The following CPPED1 variants were observed in gnomAD, a reference collection of about 807,000 sequenced individuals.
CPPED1 encodes the protein serine/threonine-protein phosphatase CPPED1.
Under a neutral mutation model 28.0 loss-of-function variants are expected in CPPED1, and 28 were observed. The observed-to-expected ratio is 1.00, with a 90% CI of 0.74 to 1.37. CPPED1 has a LOEUF of 1.37. CPPED1 is among the 40% of genes most tolerant of loss of function. CPPED1 has a pLI of 0.00. For synonymous variants in CPPED1, 198 were observed against 180.2 expected (o/e 1.10, Z -0.79); for missense variants, 504 against 416.5 (o/e 1.21, Z -1.83).
chr16:12,778,164 C>A (rs2080508871), intron 2 of CPPED1, among the ~76,000 whole-genome samples: 1 of 151,894 alleles, frequency 6.6e-6, no homozygotes, highest in Non-Finnish European at 1.5e-5. Context: ...CCCACCTCGG[C>A]CTCCCAAAGT....
chr16:12,665,289 C>T (rs192870853), intron 3 of CPPED1, among the ~76,000 whole-genome samples, 174 bp from the exon 4 acceptor site: 1 of 151,616 alleles, frequency 6.6e-6, no homozygotes, highest in Non-Finnish European at 1.5e-5. Flanking sequence ...AAATAGAAAG[C>T]GTATGTGATG....
chr16:12,733,265 G>A (rs1159892130), intron 2 of CPPED1, among the ~76,000 whole-genome samples: 5 of 142,488 alleles, frequency 3.5e-5, no homozygotes, highest in Admixed American at 7.9e-5. Context: ...GATACGACCC[G>A]AATTAGGAAT....
intron 3 of CPPED1, among the ~76,000 whole-genome samples, chr16:12,688,330 A>AT (rs762320027): frequency 0.035 from 4,610 of 130,382 alleles, 133 homozygotes; most frequent in African/African-American, 0.075. Context: ...CTACTCCAGG[A>AT]TTTTTTTTTT....
At chr16:12,756,128 C>CAAAAA (rs138038115) in intron 2 of CPPED1, among the ~76,000 whole-genome samples, 1 of 146,112 alleles carries the variant, frequency 6.8e-6, no homozygotes, top group African/African-American at 2.6e-5. Context: ...GAAACTCCGT[C>CAAAAA]AAAAAAAACA....
chr16:12,725,733 T>C (rs1023016530), intron 2 of CPPED1, among the ~76,000 whole-genome samples: 36 of 152,228 alleles, frequency 2.4e-4, no homozygotes, highest in African/African-American at 8.7e-4. Context: ...TGTAATCTTG[T>C]GTGCCACAAT....
intron 2 of CPPED1, among the ~76,000 whole-genome samples, chr16:12,741,457 C>T (rs1199722096): frequency 6.6e-6 from 1 of 152,102 alleles, no homozygotes; most frequent in Admixed American, 6.5e-5. Context: ...GGAAGCTCAA[C>T]CAAGAGCAGT....
rs2079913416 is a variant in CPPED1 at position 12,682,943 on chromosome 16, G to T, written c.716-17828C>A. Among the ~76,000 whole-genome samples the T allele has an allele frequency of 6.6e-6, 1 of 152,204 alleles. No homozygotes were observed. The highest frequency in any genetic ancestry group is 1.9e-4 in the East Asian group (1 of 5,194). On this transcript the variant is annotated intron_variant, in intron 3 of 3. Transcript: ENST00000381774. The surrounding 1 kb of genome is among the most constrained non-coding windows in gnomAD (Gnocchi z 6.1). ...TTAAACACAGCTGTCAGGACAAGAG[G>T]CTCATTAAAAAGATTGTTTTGACTG...
At chr16:12,756,558 T>C (rs916508861) in intron 2 of CPPED1, among the ~76,000 whole-genome samples, 1 of 152,064 alleles carries the variant, frequency 6.6e-6, no homozygotes, top group East Asian at 1.9e-4. Context: ...CTGGGTGTGA[T>C]GGCACAGGCA....
intron 2 of CPPED1, among the ~76,000 whole-genome samples, chr16:12,751,460 C>T (rs1033455332): frequency 2.0e-5 from 3 of 152,152 alleles, no homozygotes; most frequent in Non-Finnish European, 2.9e-5. Flanking sequence ...TTGGATAGAC[C>T]TCCTTGAAAA....
chr16:12,685,730 T>A (rs2079929335), intron 3 of CPPED1, among the ~76,000 whole-genome samples: 1 of 152,200 alleles, frequency 6.6e-6, no homozygotes, highest in Non-Finnish European at 1.5e-5. Flanking sequence ...GCCACCAGCT[T>A]CATTCCCCAA....
intron 1 of CPPED1, among the ~76,000 whole-genome samples, chr16:12,787,687 G>A (rs1054869722): frequency 3.9e-5 from 6 of 152,140 alleles, no homozygotes; most frequent in East Asian, 1.9e-4. Flanking sequence ...TTACAGGCAT[G>A]AGCCACCACA....
Position 12,793,439 on chromosome 16 carries a change from G to A in CPPED1, c.70+10268C>T, listed in dbSNP as rs557845997. Among the ~76,000 whole-genome samples the A allele has an allele frequency of 3.3e-5, 5 of 152,276 alleles. No individual in the cohort carries two copies. In the South Asian group the frequency reaches 1.0e-3, roughly 32 times the overall value. On this transcript the variant is annotated intron_variant, in intron 1 of 3. Transcript: ENST00000381774. ...TCCTGAAACCCTTAACTGAGTTCCA[G>A]TGGAGCTCAGACTGAGGCCTGAGTG...
chr16:12,773,266 G>A (rs2080479937), intron 2 of CPPED1, among the ~76,000 whole-genome samples: 1 of 152,174 alleles, frequency 6.6e-6, no homozygotes, highest in Admixed American at 6.5e-5. Flanking sequence ...TCAGTGTTGT[G>A]TAAAAAGCAA....
At chr16:12,739,367 G>T (rs1461101738) in intron 2 of CPPED1, among the ~76,000 whole-genome samples, 3 of 152,074 alleles carry the variant, frequency 2.0e-5, no homozygotes, top group Non-Finnish European at 2.9e-5. Context: ...ATCACCTGAG[G>T]TCAGGAGTTC....
rs1447287872 is a variant in CPPED1, at chr16:12,700,040, G to C, written c.715+4584C>G. On this transcript the variant is annotated intron_variant, in intron 3 of 3. Coordinates refer to ENST00000381774, the MANE Select transcript of CPPED1 (RefSeq NM_018340.3). ...AGCAAGTCTATCTGCCTGCAGCGGA[G>C]AGCCTCCACATCCGACTCATATTTC... Among the ~76,000 whole-genome samples the C allele has an allele frequency of 7.2e-5, 11 of 152,316 alleles. No individual in the cohort carries two copies. In the South Asian group the frequency reaches 1.9e-3, roughly 26 times the overall value.
At chr16:12,724,092 C>T (rs923928963) in intron 2 of CPPED1, among the ~76,000 whole-genome samples, 2 of 152,154 alleles carry the variant, frequency 1.3e-5, no homozygotes, top group Non-Finnish European at 2.9e-5. Flanking sequence ...CCCCCCACTC[C>T]GGCCCCCAGG....
In CPPED1 at chr16:12,724,960, G is replaced by C. The variant is rs150870901; in HGVS notation, c.290-19911C>G. ...TGCCACCACGCCCGGCTAATTTTTT[G>C]TATTTTTAGTAGAGACGGGGTTGCA... On this transcript the variant is annotated intron_variant, in intron 2 of 3. Coordinates refer to ENST00000381774, the MANE Select transcript of CPPED1 (RefSeq NM_018340.3). Among the ~76,000 whole-genome samples, 211 of 151,064 alleles carry C rather than the reference G, an allele frequency of 1.4e-3. 1 individual carries two copies. Among genetic ancestry groups the C allele is most frequent in the Non-Finnish European group, 2.3e-3 (158 of 67,752 alleles).
intron 2 of CPPED1, among the ~76,000 whole-genome samples, chr16:12,711,394 C>T (rs1177981001): frequency 6.6e-6 from 1 of 152,100 alleles, no homozygotes; most frequent in Non-Finnish European, 1.5e-5. Flanking sequence ...TAAAAAGAGC[C>T]ATGGAGACAG....
Position 12,659,844 on chromosome 16 carries a change from G to C in CPPED1, c.*5042C>G, listed in dbSNP as rs2079784101. ...TTTAATAGACTCACAGTTCCGCATG[G>C]CTGGGGAGGCCTCAGGAAACTTACA... On this transcript the variant is annotated 3_prime_UTR_variant, in exon 4 of 4. Transcript: ENST00000381774. The C allele has an allele frequency of 6.6e-6, 1 of 152,538 alleles. No individual in the cohort carries two copies. Among genetic ancestry groups the C allele is most frequent in the African/African-American group, 2.4e-5 (1 of 41,454 alleles). 9.4% of individuals were successfully genotyped at this position (152,538 alleles called of 1,614,324 possible).
Sources: gnomAD v4.1 joint callset for allele counts (sites outside exome capture counted in the v4.1 genomes callset) on GRCh38, gnomAD v4.1.1 for gene constraint, Gnocchi (gnomAD v3.1) non-coding constraint, MANE v1.5 for transcripts, NCBI Gene and HGNC (gene_info 2026-07-23, HGNC 2026-07-21) for gene names.